The following TNPO3 variants were observed in gnomAD, a reference collection of about 807,000 sequenced individuals.
The protein encoded by TNPO3 is transportin-3.
TNPO3 carries 65 observed loss-of-function variants against 122.8 expected under a neutral mutation model. That is an observed-to-expected ratio of 0.53 (90% CI 0.43 to 0.65). The LOEUF is 0.65. Among genes scored for constraint, TNPO3 ranks in the 30% least tolerant of loss-of-function variants. The pLI is 0.00. For missense variants in TNPO3, 850 were observed against 1,136.7 expected (o/e 0.75, Z 3.63); for synonymous variants, 372 against 411.2 (o/e 0.90, Z 1.15).
intron 18 of TNPO3, among the ~76,000 whole-genome samples, chr7:128,973,775 T>TG (rs1269741661): frequency 2.1e-5 from 1 of 46,814 alleles, no homozygotes; most frequent in Non-Finnish European, 4.2e-5. Context: ...AAACAGAGGG[T>TG]GACAGCCCAT....
rs191795390 is a variant in TNPO3 at position 129,006,026 on chromosome 7, G to A, written c.553-867C>T. 7.2e-3 allele frequency among the ~76,000 whole-genome samples: 1,087 copies of A among 151,794 alleles called. 21 individuals carry two copies. Among genetic ancestry groups the A allele is most frequent in the African/African-American group, 0.025 (1,022 of 41,392 alleles). Reference sequence around the variant, plus strand: ...TCAAACTCCTGACCTCAGGCAATCCGCCCACCTTGGCCTCCCAAGGTGCTG... The same window carrying A: ...TCAAACTCCTGACCTCAGGCAATCCACCCACCTTGGCCTCCCAAGGTGCTG... On this transcript the variant is annotated intron_variant, in intron 4 of 22. Coordinates refer to ENST00000265388, the MANE Select transcript of TNPO3 (RefSeq NM_012470.4).
intron 4 of TNPO3, among the ~76,000 whole-genome samples, 168 bp from the exon 5 acceptor site, chr7:129,005,327 G>C (rs1170872399): frequency 5.9e-5 from 9 of 151,346 alleles, no homozygotes; most frequent in Admixed American, 2.6e-4. Context: ...CCTTTTAAGA[G>C]AGAGGGTCTT....
At chr7:129,011,650 A>G (rs977544238) in intron 4 of TNPO3, among the ~76,000 whole-genome samples, 8 of 152,154 alleles carry the variant, frequency 5.3e-5, no homozygotes, top group Admixed American at 4.6e-4. Flanking sequence ...CCTGTAAAGA[A>G]TATCTTAGGA....
At chr7:128,989,305 T>G (rs1458912371) in intron 11 of TNPO3, among the ~76,000 whole-genome samples, 2 of 152,218 alleles carry the variant, frequency 1.3e-5, no homozygotes, top group Non-Finnish European at 2.9e-5. Flanking sequence ...ATTTTGGTAT[T>G]CCTAAAATTC....
At chr7:128,957,639 A>G (rs780772124) in intron 21 of TNPO3, among the ~76,000 whole-genome samples, 25 of 152,338 alleles carry the variant, frequency 1.6e-4, no homozygotes, top group Non-Finnish European at 2.2e-4. Flanking sequence ...TATCTACTTC[A>G]TAACACTGTT....
intron 1 of TNPO3, among the ~76,000 whole-genome samples, chr7:129,049,897 C>T (rs1482199653): frequency 6.6e-6 from 1 of 152,032 alleles, no homozygotes; most frequent in African/African-American, 2.4e-5. Context: ...AGCACAGGTA[C>T]ATCTGAAGGC....
intron 1 of TNPO3, among the ~76,000 whole-genome samples, chr7:129,031,128 T>C (rs1437769102): frequency 6.6e-6 from 1 of 151,764 alleles, no homozygotes; most frequent in Non-Finnish European, 1.5e-5. Flanking sequence ...CTACTAAAAA[T>C]ACAAAAAAAT....
intron 2 of TNPO3, 68 bp downstream of exon 2, chr7:129,017,889 G>A (rs1049083443): frequency 1.1e-5 from 16 of 1,498,300 alleles, no homozygotes; most frequent in African/African-American, 1.4e-5. Context: ...CTAGCAATAC[G>A]AATTAAAACA....
chr7:129,025,582 T>C (rs1027541205), intron 1 of TNPO3, among the ~76,000 whole-genome samples: 30 of 151,988 alleles, frequency 2.0e-4, no homozygotes, highest in Admixed American at 1.9e-3. Flanking sequence ...ATTTCTTTTC[T>C]TTTTTTATAA....
At chr7:129,037,614 G>A (rs1806847630) in intron 1 of TNPO3, among the ~76,000 whole-genome samples, 1 of 152,168 alleles carries the variant, frequency 6.6e-6, no homozygotes, top group Non-Finnish European at 1.5e-5. Flanking sequence ...ACCTCCTTTG[G>A]TGGTGCAGTC....
intron 1 of TNPO3, among the ~76,000 whole-genome samples, chr7:129,023,941 C>T (rs1181051333): frequency 1.3e-5 from 2 of 152,134 alleles, no homozygotes. Flanking sequence ...GGATTAAGCA[C>T]TGAACAATAA....
At position 129,038,694 on chromosome 7, in the gene TNPO3, C is replaced by T. The variant is rs111683577; in HGVS notation, c.120+15957G>A. ...ATGTCCTCTGCAGGAACATGGATGG[C>T]GCTGGAGGCCATTATCCTTAGCAAA... On this transcript the variant is annotated intron_variant, in intron 1 of 22. Coordinates refer to ENST00000265388, the MANE Select transcript of TNPO3 (RefSeq NM_012470.4). Among the ~76,000 whole-genome samples the T allele has an allele frequency of 2.8e-3, 426 of 152,202 alleles. 3 individuals are homozygous for T. Among genetic ancestry groups the T allele is most frequent in the African/African-American group, 9.8e-3 (409 of 41,530 alleles).
chr7:128,986,946 T>A, intron 11 of TNPO3, 26 bp from the exon 12 acceptor site: 1 of 1,561,064 alleles, frequency 6.4e-7, no homozygotes, highest in Non-Finnish European at 8.6e-7. Context: ...AAGCAGAGAT[T>A]ACATATCTGA....
At chr7:129,012,012 T>C (rs1381190806) in intron 4 of TNPO3, among the ~76,000 whole-genome samples, 2 of 147,534 alleles carry the variant, frequency 1.4e-5, no homozygotes, top group African/African-American at 2.5e-5. Context: ...TCTTTTTTTT[T>C]TTTTTTTTTT....
intron 4 of TNPO3, among the ~76,000 whole-genome samples, chr7:129,014,719 A>G (rs1179315219): frequency 6.6e-6 from 1 of 152,200 alleles, no homozygotes; most frequent in Non-Finnish European, 1.5e-5. Flanking sequence ...CTTAGTTCCA[A>G]TTCTGAATTA....
chr7:129,023,567 A>AG (rs1804780416), intron 1 of TNPO3, among the ~76,000 whole-genome samples: 1 of 152,180 alleles, frequency 6.6e-6, no homozygotes, highest in Non-Finnish European at 1.5e-5. Context: ...AAAGGACAGA[A>AG]GACAATAAGA....
At chr7:129,028,085 A>G (rs969328086) in intron 1 of TNPO3, among the ~76,000 whole-genome samples, 5 of 152,210 alleles carry the variant, frequency 3.3e-5, no homozygotes, top group African/African-American at 1.2e-4. Context: ...TCAAAAAACC[A>G]ATGGGTCAAG....
At chr7:129,022,792 A>G (rs1804678652) in intron 1 of TNPO3, among the ~76,000 whole-genome samples, 2 of 152,246 alleles carry the variant, frequency 1.3e-5, no homozygotes, top group Admixed American at 6.5e-5. Context: ...CCGATTTTCA[A>G]TTATAAAGGC....
At chr7:128,973,152 A>G (rs146694325) in intron 18 of TNPO3, among the ~76,000 whole-genome samples, 1 of 152,354 alleles carries the variant, frequency 6.6e-6, no homozygotes, top group East Asian at 1.9e-4. Context: ...TAAAGATGCT[A>G]GAACAGCATT....
Sources: gnomAD v4.1 joint callset for allele counts (sites outside exome capture counted in the v4.1 genomes callset) on GRCh38, gnomAD v4.1.1 for gene constraint, MANE v1.5 for transcripts, NCBI Gene and HGNC (gene_info 2026-07-23, HGNC 2026-07-21) for gene names.